KHDRBS3: variants seen among roughly 807,000 people sequenced by gnomAD.
KHDRBS3 encodes the protein KH RNA binding domain containing, signal transduction associated 3.
A neutral mutation model predicts 45.6 loss-of-function variants in KHDRBS3; 23 were observed. The ratio of observed to expected loss-of-function variants is 0.50; its 90% CI spans 0.36 to 0.72. KHDRBS3 has a LOEUF of 0.72. KHDRBS3 is among the 30% of genes least tolerant of loss of function. The pLI is 0.00. For missense variants in KHDRBS3, 352 were observed against 424.8 expected (o/e 0.83, Z 1.51); for synonymous variants, 162 against 156.5 (o/e 1.04, Z -0.26).
chr8:135,564,997 G>A (rs1159399846), intron 5 of KHDRBS3, among the ~76,000 whole-genome samples: 2 of 152,152 alleles, frequency 1.3e-5, no homozygotes, highest in South Asian at 2.1e-4. Context: ...TTTTTAAAGG[G>A]AAACTTGGTG....
At chr8:135,609,290 AT>A (rs869245078) in intron 7 of KHDRBS3, among the ~76,000 whole-genome samples, 195 of 143,000 alleles carry the variant, frequency 1.4e-3, no homozygotes, top group Non-Finnish European at 1.2e-3. Flanking sequence ...ATCTATTTTA[AT>A]TTTTTTTTTT....
intron 1 of KHDRBS3, among the ~76,000 whole-genome samples, chr8:135,497,789 A>G (rs1226824467): frequency 6.6e-6 from 1 of 152,148 alleles, no homozygotes; most frequent in African/African-American, 2.4e-5. Context: ...CCTCCCTTTT[A>G]CAAATGAATA....
chr8:135,459,075 C>T (rs1024383669), intron 1 of KHDRBS3, among the ~76,000 whole-genome samples: 1 of 152,224 alleles, frequency 6.6e-6, no homozygotes, highest in Non-Finnish European at 1.5e-5. Flanking sequence ...TGTGCACTGA[C>T]AGTCTGTGGT....
intron 5 of KHDRBS3, among the ~76,000 whole-genome samples, chr8:135,563,683 C>T (rs1827272283): frequency 1.3e-5 from 2 of 152,214 alleles, no homozygotes; most frequent in Admixed American, 6.5e-5. Flanking sequence ...GTGTTGACCA[C>T]TGGAAATATT....
intron 1 of KHDRBS3, among the ~76,000 whole-genome samples, chr8:135,510,551 C>T (rs1283644677): frequency 6.6e-6 from 1 of 152,180 alleles, no homozygotes; most frequent in African/African-American, 2.4e-5. Flanking sequence ...TCTCCTGCCT[C>T]AGCCTCCTGA....
intron 1 of KHDRBS3, among the ~76,000 whole-genome samples, chr8:135,512,404 C>A (rs1394908661): frequency 1.6e-5 from 2 of 122,022 alleles, no homozygotes; most frequent in African/African-American, 6.8e-5. Flanking sequence ...AAACTTTACA[C>A]AAGAGTTAAG....
chr8:135,532,802 G>A (rs1825546507), intron 2 of KHDRBS3, among the ~76,000 whole-genome samples: 2 of 152,078 alleles, frequency 1.3e-5, no homozygotes. Flanking sequence ...TTAGTGCATG[G>A]ATTAGTACAG....
intron 1 of KHDRBS3, among the ~76,000 whole-genome samples, chr8:135,510,801 A>G (rs1302134636): frequency 6.6e-6 from 1 of 152,108 alleles, no homozygotes; most frequent in African/African-American, 2.4e-5. Flanking sequence ...GTTAAGCTTA[A>G]GTATTCTCTT....
At chr8:135,573,608 T>C (rs999864987) in intron 5 of KHDRBS3, among the ~76,000 whole-genome samples, 2 of 152,250 alleles carry the variant, frequency 1.3e-5, no homozygotes, top group African/African-American at 4.8e-5. Flanking sequence ...CAGAACTGCA[T>C]TTGAGTATTA....
At chr8:135,467,617 T>G (rs981160686) in intron 1 of KHDRBS3, among the ~76,000 whole-genome samples, 3 of 152,274 alleles carry the variant, frequency 2.0e-5, no homozygotes, top group African/African-American at 7.2e-5. Context: ...TTGTCTGATG[T>G]TTCCTTAAAA....
At chr8:135,506,388 C>T (rs1355093394) in intron 1 of KHDRBS3, among the ~76,000 whole-genome samples, 1 of 151,604 alleles carries the variant, frequency 6.6e-6, no homozygotes, top group Non-Finnish European at 1.5e-5. Flanking sequence ...TGGATCCTTC[C>T]TTCTGTAACA....
At chr8:135,591,020 T>C (rs1255968890) in intron 6 of KHDRBS3, among the ~76,000 whole-genome samples, 5 of 152,262 alleles carry the variant, frequency 3.3e-5, no homozygotes, top group Non-Finnish European at 5.9e-5. Context: ...CTTCAGCAGA[T>C]ATTTTTTATT....
At position 135,547,837 on chromosome 8, in the gene KHDRBS3, A is replaced by G. The variant is rs538011659; in HGVS notation, c.325-917A>G. 9.1e-4 allele frequency among the ~76,000 whole-genome samples: 138 copies of G among 152,324 alleles called. 2 individuals carry two copies. The Middle Eastern group carries it at 0.014, about 15-fold the overall frequency. On this transcript the variant is annotated intron_variant, in intron 3 of 8. Coordinates refer to ENST00000355849, the MANE Select transcript of KHDRBS3 (RefSeq NM_006558.3). ...TCTGATACTAACATTGGAAACAGAG[A>G]CTAATGGAAGACCCAGATTCTGAAA...
At chr8:135,464,574 GA>G (rs747093083) in intron 1 of KHDRBS3, among the ~76,000 whole-genome samples, 1 of 151,804 alleles carries the variant, frequency 6.6e-6, no homozygotes, top group Non-Finnish European at 1.5e-5. Flanking sequence ...GTTCACAAAA[GA>G]AAAAAAAGTA....
chr8:135,529,316 G>A (rs1474648330), intron 2 of KHDRBS3, among the ~76,000 whole-genome samples: 1 of 152,152 alleles, frequency 6.6e-6, no homozygotes, highest in East Asian at 1.9e-4. Context: ...TGGGTCTTGT[G>A]ACACAGCCCC....
chr8:135,633,874 C>T (rs985686383), intron 7 of KHDRBS3, among the ~76,000 whole-genome samples: 1 of 152,212 alleles, frequency 6.6e-6, no homozygotes, highest in East Asian at 1.9e-4. Context: ...TACATTGACA[C>T]ATGATCATCA....
intron 2 of KHDRBS3, among the ~76,000 whole-genome samples, chr8:135,525,987 G>A (rs1345431358): frequency 1.3e-5 from 2 of 152,106 alleles, no homozygotes; most frequent in East Asian, 1.9e-4. Flanking sequence ...TATTTTTGCT[G>A]TATCTTTTCT....
chr8:135,610,792 G>T (rs1268569867), intron 7 of KHDRBS3, among the ~76,000 whole-genome samples: 2 of 151,768 alleles, frequency 1.3e-5, no homozygotes, highest in Non-Finnish European at 2.9e-5. Context: ...AGGGAGTTTT[G>T]TGTGGCAACT....
Position 135,614,011 on chromosome 8 carries a change from A to AT in KHDRBS3, c.890+6975dup, listed in dbSNP as rs1829812290. Among the ~76,000 whole-genome samples, 3 of 124,762 alleles carry AT rather than the reference A, an allele frequency of 2.4e-5. No individual in the cohort carries two copies. In the South Asian group the frequency reaches 9.1e-4, roughly 38 times the overall value. The allele number at this position is 124,762 out of a possible 152,430, so 81.8% of individuals were successfully genotyped here. ...AATCAGAGTACAAATGAGAATTCCC[A>AT]TAAAAAAATTCAGTATAGTTCAGGT... On this transcript the variant is annotated intron_variant, in intron 7 of 8. Coordinates refer to ENST00000355849, the MANE Select transcript of KHDRBS3 (RefSeq NM_006558.3).
Sources: gnomAD v4.1 joint callset for allele counts (sites outside exome capture counted in the v4.1 genomes callset) on GRCh38, gnomAD v4.1.1 for gene constraint, MANE v1.5 for transcripts, NCBI Gene and HGNC (gene_info 2026-07-23, HGNC 2026-07-21) for gene names.